FTO: variants seen among roughly 807,000 people sequenced by gnomAD.
FTO encodes alpha-ketoglutarate-dependent dioxygenase FTO.
Under a neutral mutation model 63.9 loss-of-function variants are expected in FTO, and 47 were observed. That is an observed-to-expected ratio of 0.74 (90% CI 0.58 to 0.94). The LOEUF is 0.94. Ranked by LOEUF, FTO falls within the 40% of genes least tolerant of loss-of-function variation. The pLI is 0.00. For synonymous variants in FTO, 207 were observed against 224.4 expected (o/e 0.92, Z 0.69); for missense variants, 562 against 618.1 (o/e 0.91, Z 0.96).
At chr16:53,777,622 T>C (rs1363789497) in intron 1 of FTO, among the ~76,000 whole-genome samples, 2 of 152,174 alleles carry the variant, frequency 1.3e-5, no homozygotes, top group East Asian at 3.8e-4. Flanking sequence ...CAAATGTTGA[T>C]GCATTTCATT....
intron 8 of FTO, among the ~76,000 whole-genome samples, chr16:53,946,313 C>T (rs1423205198): frequency 1.3e-5 from 2 of 152,166 alleles, no homozygotes; most frequent in Admixed American, 6.5e-5. Context: ...AGTATCCATG[C>T]GTGAAAGAAA....
chr16:53,730,819 A>G (rs1021094993), intron 1 of FTO, among the ~76,000 whole-genome samples: 5 of 152,144 alleles, frequency 3.3e-5, no homozygotes, highest in Admixed American at 2.6e-4. Flanking sequence ...TTTAATGCCA[A>G]ACCACAGTAG....
At chr16:53,823,466 T>C (rs902330751) in intron 2 of FTO, among the ~76,000 whole-genome samples, 1 of 152,036 alleles carries the variant, frequency 6.6e-6, no homozygotes, top group African/African-American at 2.4e-5. Context: ...CTTTCTCTTC[T>C]GAGCTCCAGA....
At chr16:53,763,925 C>T (rs2077130078) in intron 1 of FTO, among the ~76,000 whole-genome samples, 1 of 152,104 alleles carries the variant, frequency 6.6e-6, no homozygotes, top group Non-Finnish European at 1.5e-5. Flanking sequence ...CAAAGCGATG[C>T]CCTGGAAAGA....
chr16:53,792,216 T>A (rs1343511322), intron 1 of FTO, among the ~76,000 whole-genome samples: 1 of 152,234 alleles, frequency 6.6e-6, no homozygotes, highest in Admixed American at 6.5e-5. Context: ...AAATAAGTTA[T>A]TCTTTTAGGT....
chr16:54,011,238 A>G (rs2084327329), intron 8 of FTO, among the ~76,000 whole-genome samples: 1 of 152,254 alleles, frequency 6.6e-6, no homozygotes, highest in African/African-American at 2.4e-5. Context: ...AACTAGAGAT[A>G]TAAAACAAAA....
intron 1 of FTO, among the ~76,000 whole-genome samples, chr16:53,736,841 G>A (rs72803661): frequency 0.088 from 13,415 of 152,088 alleles, 646 homozygotes; most frequent in South Asian, 0.19. Context: ...CCATCTCCCC[G>A]CTACCAGCTC....
At position 53,985,648 on chromosome 16, in the gene FTO, G is replaced by A. The variant is rs577791168; in HGVS notation, c.1364+51539G>A. Reference sequence around the variant, plus strand: ...GTGAGGTGGCATCGAGAAAATGAACGCCAAGGTTGACACCAAATGTAGGGC... The same window carrying A: ...GTGAGGTGGCATCGAGAAAATGAACACCAAGGTTGACACCAAATGTAGGGC... On this transcript the variant is annotated intron_variant, in intron 8 of 8. Coordinates refer to ENST00000471389, the MANE Select transcript of FTO (RefSeq NM_001080432.3). Among the ~76,000 whole-genome samples the A allele has an allele frequency of 5.3e-5, 8 of 152,270 alleles. No individual in the cohort carries two copies. The South Asian group carries it at 1.0e-3, about 20-fold the overall frequency.
chr16:53,955,051 G>A (rs914024067), intron 8 of FTO, among the ~76,000 whole-genome samples: 1 of 152,220 alleles, frequency 6.6e-6, no homozygotes, highest in South Asian at 2.1e-4. Context: ...TCCTGTTTCT[G>A]TCAGTGCTTG....
chr16:53,863,542 C>G (rs1391254600), intron 4 of FTO, among the ~76,000 whole-genome samples: 1 of 152,216 alleles, frequency 6.6e-6, no homozygotes, highest in African/African-American at 2.4e-5. Flanking sequence ...TGGCCCACTC[C>G]TATCATTGCT....
chr16:53,730,153 G>A (rs1240898499), intron 1 of FTO, among the ~76,000 whole-genome samples: 1 of 152,124 alleles, frequency 6.6e-6, no homozygotes, highest in Non-Finnish European at 1.5e-5. Flanking sequence ...GATTGATAGA[G>A]AGACTTCTTT....
At chr16:54,086,785 G>A (rs760082136) in intron 8 of FTO, among the ~76,000 whole-genome samples, 14 of 152,172 alleles carry the variant, frequency 9.2e-5, no homozygotes, top group Non-Finnish European at 1.9e-4. Context: ...CACAATTGAA[G>A]TCAAATGGAA....
intron 7 of FTO, among the ~76,000 whole-genome samples, chr16:53,925,573 A>G (rs2082119497): frequency 6.6e-6 from 1 of 152,114 alleles, no homozygotes; most frequent in South Asian, 2.1e-4. Context: ...TGTAAGACGG[A>G]GAGATTAAGT....
intron 7 of FTO, among the ~76,000 whole-genome samples, chr16:53,932,759 C>T (rs1567450174): frequency 6.6e-6 from 1 of 152,116 alleles, no homozygotes; most frequent in Admixed American, 6.5e-5. Context: ...AAAGGAAAAG[C>T]GAATGATCTG....
chr16:53,879,693 A>T lies in FTO; in HGVS notation c.976-151A>T, dbSNP rs1359922914. Reference sequence around the variant, plus strand: ...ACAGCAAGACCCTATCTCAAAATTAAAAAAAAAAAAAAAAAAAAAAGGAGT... The same window carrying T: ...ACAGCAAGACCCTATCTCAAAATTATAAAAAAAAAAAAAAAAAAAAGGAGT... On this transcript the variant is annotated intron_variant, in intron 5 of 8. Transcript: ENST00000471389. The T allele has an allele frequency of 2.3e-4, 18 of 78,106 alleles. No individual in the cohort carries two copies. The East Asian group carries it at 0.01, about 44-fold the overall frequency. 4.8% of individuals were successfully genotyped at this position (78,106 alleles called of 1,614,324 possible).
chr16:54,109,685 C>T (rs777076748), intron 8 of FTO, among the ~76,000 whole-genome samples: 38 of 152,196 alleles, frequency 2.5e-4, no homozygotes, highest in Non-Finnish European at 4.6e-4. Context: ...GAAACAGCTT[C>T]GCCCAAAAGA....
intron 3 of FTO, among the ~76,000 whole-genome samples, chr16:53,838,826 G>A (rs1357584892): frequency 1.3e-5 from 2 of 152,004 alleles, no homozygotes; most frequent in African/African-American, 2.4e-5. Flanking sequence ...GCAACAGAGC[G>A]AGACTCTAGT....
intron 8 of FTO, among the ~76,000 whole-genome samples, chr16:54,034,671 A>G (rs1423322571): frequency 6.6e-6 from 1 of 152,228 alleles, no homozygotes; most frequent in Non-Finnish European, 1.5e-5. Context: ...AAAAGGGGTC[A>G]TTAATGCTTT....
chr16:53,767,171 T>G (rs957015853), intron 1 of FTO, among the ~76,000 whole-genome samples: 1 of 152,204 alleles, frequency 6.6e-6, no homozygotes, highest in African/African-American at 2.4e-5. Flanking sequence ...TTAGGAATCC[T>G]TAGCCCTGTT....
Sources: gnomAD v4.1 joint callset for allele counts (sites outside exome capture counted in the v4.1 genomes callset) on GRCh38, gnomAD v4.1.1 for gene constraint, MANE v1.5 for transcripts, NCBI Gene and HGNC (gene_info 2026-07-23, HGNC 2026-07-21) for gene names.